CNTN4: variants seen among roughly 807,000 people sequenced by gnomAD.
CNTN4 encodes contactin 4, also known as contactin-4.
Under a neutral mutation model 122.5 loss-of-function variants are expected in CNTN4, and 77 were observed. The observed-to-expected ratio is 0.63, with a 90% CI of 0.52 to 0.76. The LOEUF (loss-of-function observed/expected upper bound fraction) is 0.76, where lower values mean the gene tolerates loss of function less well. CNTN4 is among the 30% of genes least tolerant of loss of function. The pLI is 0.00. For missense variants in CNTN4, 1,256 were observed against 1,259.1 expected (o/e 1.00, Z 0.04); for synonymous variants, 512 against 447.0 (o/e 1.15, Z -1.83).
At chr3:2,236,730 C>T (rs1251510028) in intron 2 of CNTN4, among the ~76,000 whole-genome samples, 1 of 152,190 alleles carries the variant, frequency 6.6e-6, no homozygotes, top group African/African-American at 2.4e-5. Context: ...ATTTCACTCA[C>T]TAATACCTAT....
intron 3 of CNTN4, among the ~76,000 whole-genome samples, chr3:2,479,839 T>C (rs1185597093): frequency 2.0e-5 from 3 of 152,098 alleles, no homozygotes; most frequent in African/African-American, 7.2e-5. Flanking sequence ...AAACAGAAAT[T>C]TCTCATGAAT....
At chr3:2,957,891 G>A (rs1263712757) in intron 13 of CNTN4, among the ~76,000 whole-genome samples, 2 of 152,108 alleles carry the variant, frequency 1.3e-5, no homozygotes, top group Admixed American at 6.6e-5. Context: ...ATAGTGCTGC[G>A]ATGAACGTAA....
At chr3:2,565,693 T>C (rs2079129084) in intron 3 of CNTN4, among the ~76,000 whole-genome samples, 2 of 152,234 alleles carry the variant, frequency 1.3e-5, no homozygotes, top group Admixed American at 6.5e-5. Flanking sequence ...TATTGACTGA[T>C]TGAACATTAA....
chr3:2,612,356 A>C (rs2081536276), intron 4 of CNTN4, among the ~76,000 whole-genome samples: 1 of 152,152 alleles, frequency 6.6e-6, no homozygotes, highest in African/African-American at 2.4e-5. Context: ...TAAAGTGCTG[A>C]ATACCTCATG....
At chr3:2,145,587 G>A (rs2035206266) in intron 2 of CNTN4, among the ~76,000 whole-genome samples, 1 of 152,150 alleles carries the variant, frequency 6.6e-6, no homozygotes, top group African/African-American at 2.4e-5. Context: ...GGAATAAGAT[G>A]AAATATCCTC....
chr3:2,195,262 T>C (rs544315349), intron 2 of CNTN4, among the ~76,000 whole-genome samples: 41 of 152,376 alleles, frequency 2.7e-4, no homozygotes, highest in African/African-American at 7.9e-4. Flanking sequence ...TTCATTCTTT[T>C]TCATGTCTGA....
Position 2,633,967 on chromosome 3 carries a change from C to T in CNTN4, c.55+62409C>T, listed in dbSNP as rs1184941473. Among the ~76,000 whole-genome samples, 6 of 152,292 alleles carry T rather than the reference C, an allele frequency of 3.9e-5. No homozygotes were observed. In the South Asian group the frequency reaches 8.3e-4, roughly 21 times the overall value. ...TGTTGATATTGTAGATGAAGAAATG[C>T]TTGCCTACTCTCTACAAATGATATC... On this transcript the variant is annotated intron_variant, in intron 4 of 24. Coordinates refer to ENST00000418658, the MANE Select transcript of CNTN4 (RefSeq NM_175607.3).
intron 2 of CNTN4, among the ~76,000 whole-genome samples, chr3:2,277,988 G>C (rs1199679670): frequency 2.6e-5 from 4 of 152,044 alleles, no homozygotes; most frequent in African/African-American, 9.7e-5. Flanking sequence ...TAAATTTGAG[G>C]ACCAATCCCT....
At chr3:2,380,104 G>T (rs1482560517) in intron 3 of CNTN4, among the ~76,000 whole-genome samples, 2 of 148,714 alleles carry the variant, frequency 1.3e-5, no homozygotes, top group Non-Finnish European at 3.0e-5. Context: ...AATTTAATTA[G>T]ATACTGTGTC....
chr3:2,544,652 T>G (rs1347191086), intron 3 of CNTN4, among the ~76,000 whole-genome samples: 1 of 152,112 alleles, frequency 6.6e-6, no homozygotes, highest in African/African-American at 2.4e-5. Flanking sequence ...CTAGTTTGTG[T>G]GCATTGAAGT....
At chr3:2,436,783 T>C (rs1052753038) in intron 3 of CNTN4, among the ~76,000 whole-genome samples, 2 of 146,668 alleles carry the variant, frequency 1.4e-5, no homozygotes, top group African/African-American at 5.2e-5. Flanking sequence ...ATATGAAATA[T>C]ATGTATATAT....
chr3:2,441,308 G>A (rs1045936841), intron 3 of CNTN4, among the ~76,000 whole-genome samples: 15 of 152,260 alleles, frequency 9.9e-5, no homozygotes, highest in African/African-American at 3.4e-4. Context: ...GTATTAATAT[G>A]TGATTCAAAA....
chr3:2,524,419 A>G (rs529263287), intron 3 of CNTN4, among the ~76,000 whole-genome samples: 73 of 152,220 alleles, frequency 4.8e-4, no homozygotes, highest in Middle Eastern at 3.4e-3. Context: ...AAATATTTTG[A>G]CTGTTGTGAA....
At chr3:2,969,916 C>G (rs890794910) in intron 13 of CNTN4, among the ~76,000 whole-genome samples, 2 of 152,090 alleles carry the variant, frequency 1.3e-5, no homozygotes, top group Non-Finnish European at 2.9e-5. Context: ...CAGACTCTTC[C>G]CCTGTGTAGG....
chr3:2,926,687 C>T lies in CNTN4; in HGVS notation c.1358+908C>T, dbSNP rs149426220. Among the ~76,000 whole-genome samples the T allele has an allele frequency of 5.1e-3, 783 of 152,230 alleles. 8 individuals are homozygous for T. Among genetic ancestry groups the T allele is most frequent in the African/African-American group, 0.018 (734 of 41,544 alleles). ...CGTATCTACCCTTTACACCTGTACA[C>T]CTTTGGATTTGCATATACATATTAG... On this transcript the variant is annotated intron_variant, in intron 13 of 24. Transcript: ENST00000418658.
chr3:2,539,129 A>G (rs1231905766), intron 3 of CNTN4, among the ~76,000 whole-genome samples: 1 of 152,044 alleles, frequency 6.6e-6, no homozygotes, highest in Non-Finnish European at 1.5e-5. Context: ...ATCTTCTGTA[A>G]TTATTTTCAT....
intron 4 of CNTN4, among the ~76,000 whole-genome samples, chr3:2,665,579 C>T (rs2084112461): frequency 2.0e-5 from 3 of 152,080 alleles, no homozygotes; most frequent in Admixed American, 2.0e-4. Context: ...TTCCTGGTCA[C>T]TTGGGAGAAA....
chr3:2,444,560 A>G (rs1043975246), intron 3 of CNTN4, among the ~76,000 whole-genome samples: 3 of 152,202 alleles, frequency 2.0e-5, no homozygotes, highest in African/African-American at 4.8e-5. Flanking sequence ...AGAGGCTGAC[A>G]GGGATCAGAT....
chr3:2,560,105 C>T (rs1370862108), intron 3 of CNTN4, among the ~76,000 whole-genome samples: 1 of 151,884 alleles, frequency 6.6e-6, no homozygotes, highest in Non-Finnish European at 1.5e-5. Context: ...CTGTCCCAAC[C>T]TCCACTTATA....
Sources: gnomAD v4.1 joint callset for allele counts (sites outside exome capture counted in the v4.1 genomes callset) on GRCh38, gnomAD v4.1.1 for gene constraint, MANE v1.5 for transcripts, NCBI Gene and HGNC (gene_info 2026-07-23, HGNC 2026-07-21) for gene names.